Variants in OSBPL10 observed in about 807,000 individuals in gnomAD.
The protein encoded by OSBPL10 is oxysterol binding protein like 10, also known as oxysterol-binding protein-related protein 10.
In OSBPL10, 49 loss-of-function variants were observed where a neutral mutation model predicts 81.7. The observed-to-expected ratio is 0.60, with a 90% CI of 0.48 to 0.76. OSBPL10 has a LOEUF of 0.76. OSBPL10 is among the 30% of genes least tolerant of loss of function. The pLI, the probability that OSBPL10 is intolerant of heterozygous loss-of-function variation, is 0.00. For synonymous variants in OSBPL10, 419 were observed against 383.6 expected, an observed-to-expected ratio of 1.09 and a Z score of -1.08; for missense variants, 923 against 987.8, an observed-to-expected ratio of 0.93 and a Z score of 0.88.
intron 4 of OSBPL10, among the ~76,000 whole-genome samples, chr3:31,818,470 C>T (rs12491564): frequency 0.69 from 104,851 of 152,022 alleles, 36,712 homozygotes; most frequent in East Asian, 0.93. Flanking sequence ...TACAGGCACA[C>T]GCACATACAC....
intron 6 of OSBPL10, among the ~76,000 whole-genome samples, chr3:31,706,267 C>T (rs1341202274): frequency 2.0e-5 from 3 of 152,194 alleles, no homozygotes; most frequent in Admixed American, 2.0e-4. Context: ...GGGTTCTTGG[C>T]CTGGGTCACA....
At chr3:31,850,133 C>T (rs1186261330) in intron 3 of OSBPL10, among the ~76,000 whole-genome samples, 1 of 152,090 alleles carries the variant, frequency 6.6e-6, no homozygotes, top group African/African-American at 2.4e-5. Flanking sequence ...CCACTGCACT[C>T]CAGCCTGGGT....
At chr3:31,886,744 A>T (rs1252169396) in intron 1 of OSBPL10, among the ~76,000 whole-genome samples, 1 of 152,130 alleles carries the variant, frequency 6.6e-6, no homozygotes, top group Non-Finnish European at 1.5e-5. Context: ...GTTCGAGACC[A>T]GCCTGGCCAA....
intron 3 of OSBPL10, among the ~76,000 whole-genome samples, chr3:31,872,190 G>T (rs1204637188): frequency 1.3e-5 from 2 of 150,778 alleles, no homozygotes; most frequent in Non-Finnish European, 2.9e-5. Flanking sequence ...GATTTTGTCT[G>T]TTTGTCAGTT....
At position 31,728,786 on chromosome 3, in the gene OSBPL10, G is replaced by A. The variant is rs2125655267; in HGVS notation, c.1095+4471C>T. On this transcript the variant is annotated intron_variant, in intron 6 of 11. Transcript: ENST00000396556. ...GGCATGAGGGAATCTGGGGGCAATAGAACTGTTCTATACAGGTTGAGTATC... is the reference window on the plus strand; with the variant it reads ...GGCATGAGGGAATCTGGGGGCAATAAAACTGTTCTATACAGGTTGAGTATC... Among the ~76,000 whole-genome samples, 2 of 152,322 alleles carry A rather than the reference G, an allele frequency of 1.3e-5. 1 individual carries two copies. Among genetic ancestry groups the A allele is most frequent in the South Asian group, 4.1e-4 (2 of 4,826 alleles).
chr3:31,892,232 G>A (rs1474404385), intron 1 of OSBPL10, among the ~76,000 whole-genome samples: 1 of 151,960 alleles, frequency 6.6e-6, no homozygotes, highest in Non-Finnish European at 1.5e-5. Flanking sequence ...GAGAGGGAAT[G>A]GAGAAAAACC....
At chr3:31,803,974 C>A (rs1216449755) in intron 4 of OSBPL10, among the ~76,000 whole-genome samples, 4 of 152,158 alleles carry the variant, frequency 2.6e-5, no homozygotes, top group Admixed American at 1.3e-4. Context: ...TAACTGTTTT[C>A]TCTTTGTAAA....
intron 3 of OSBPL10, among the ~76,000 whole-genome samples, chr3:31,843,010 C>T (rs900465713): frequency 2.6e-5 from 4 of 152,224 alleles, no homozygotes; most frequent in African/African-American, 7.2e-5. Context: ...GGAAATTACA[C>T]GTGCTGGACA....
At chr3:31,850,770 T>C (rs1438108180) in intron 3 of OSBPL10, among the ~76,000 whole-genome samples, 1 of 152,208 alleles carries the variant, frequency 6.6e-6, no homozygotes, top group African/African-American at 2.4e-5. Flanking sequence ...TCCAAAAGTA[T>C]TGATTTACTT....
intron 1 of OSBPL10, among the ~76,000 whole-genome samples, chr3:31,938,278 T>A (rs369136248): frequency 6.6e-6 from 1 of 152,152 alleles, no homozygotes; most frequent in South Asian, 2.1e-4. Flanking sequence ...TGATCTCAAC[T>A]CCCTCACACT....
chr3:31,677,331 TA>T (rs1700505411), intron 8 of OSBPL10, among the ~76,000 whole-genome samples: 1 of 151,988 alleles, frequency 6.6e-6, no homozygotes, highest in Non-Finnish European at 1.5e-5. Context: ...ATACAAAAGA[TA>T]AGGGGACGCA....
intron 4 of OSBPL10, among the ~76,000 whole-genome samples, chr3:31,809,166 G>A (rs377128157): frequency 5.3e-5 from 8 of 152,196 alleles, no homozygotes; most frequent in East Asian, 1.9e-4. Context: ...ATCAATATTC[G>A]CAACGGATGA....
intron 1 of OSBPL10, among the ~76,000 whole-genome samples, chr3:31,901,758 G>A (rs903462128): frequency 6.6e-6 from 1 of 152,186 alleles, no homozygotes; most frequent in Non-Finnish European, 1.5e-5. Flanking sequence ...GTACAAAAAG[G>A]GCATTTAGGC....
At chr3:31,998,425 A>C (rs1699112014) in intron 2 of OSBPL10, among the ~76,000 whole-genome samples, 1 of 152,178 alleles carries the variant, frequency 6.6e-6, no homozygotes. Context: ...TATTGGTCAG[A>C]ATTTGAGCAG....
intron 1 of OSBPL10, among the ~76,000 whole-genome samples, chr3:31,970,206 G>C (rs1196530338): frequency 2.0e-5 from 3 of 152,082 alleles, no homozygotes; most frequent in Non-Finnish European, 4.4e-5. Flanking sequence ...ACTGAGACTC[G>C]GGGCTTGCAA....
At chr3:31,666,954 A>G (rs1038378264) in intron 10 of OSBPL10, among the ~76,000 whole-genome samples, 1 of 152,174 alleles carries the variant, frequency 6.6e-6, no homozygotes, top group African/African-American at 2.4e-5. Flanking sequence ...TAAAATCCAC[A>G]TAAACAGACA....
In OSBPL10 at chr3:31,868,296, A is replaced by C. The variant is rs111630240; in HGVS notation, c.537+8137T>G. 5.0e-3 allele frequency among the ~76,000 whole-genome samples: 766 copies of C among 152,310 alleles called. 3 individuals carry two copies. Among genetic ancestry groups the C allele is most frequent in the Non-Finnish European group, 8.6e-3 (585 of 68,024 alleles). The stretch of plus-strand genomic sequence containing the variant: ...AATGCTACTTCCATTATAGAAAAAA[A>C]GGCCTTTGCAAGCTGTTAGAGATGA... On this transcript the variant is annotated intron_variant, in intron 3 of 11. Transcript: ENST00000396556.
At chr3:31,932,076 G>GA (rs938677593) in intron 1 of OSBPL10, among the ~76,000 whole-genome samples, 19 of 147,442 alleles carry the variant, frequency 1.3e-4, no homozygotes, top group African/African-American at 4.2e-4. Context: ...TTTAAATGAA[G>GA]AAAAAAAAAT....
intron 2 of OSBPL10, among the ~76,000 whole-genome samples, chr3:32,020,657 A>G (rs1699354074): frequency 6.6e-6 from 1 of 152,116 alleles, no homozygotes; most frequent in South Asian, 2.1e-4. Context: ...TAAGGAGATG[A>G]TTTCATTCAA....
Sources: allele counts gnomAD v4.1 joint callset (sites outside exome capture counted in the v4.1 genomes callset), GRCh38; gene constraint gnomAD v4.1.1; transcripts MANE v1.5; gene names NCBI Gene and HGNC (gene_info 2026-07-23, HGNC 2026-07-21).